Variants in TNR observed in about 807,000 individuals in gnomAD.
The protein encoded by TNR is tenascin-R.
A neutral mutation model predicts 150.4 loss-of-function variants in TNR; 45 were observed. That is an observed-to-expected ratio of 0.30 (90% CI 0.24 to 0.38). The LOEUF (loss-of-function observed/expected upper bound fraction) is 0.38, where lower values mean the gene tolerates loss of function less well. Ranked by LOEUF, TNR falls within the 10% of genes least tolerant of loss-of-function variation. The pLI, the probability that TNR is intolerant of heterozygous loss-of-function variation, is 1.00. For synonymous variants in TNR, 687 were observed against 678.4 expected (o/e 1.01, Z -0.20); for missense variants, 1,544 against 1,759.1 (o/e 0.88, Z 2.19).
intron 18 of TNR, among the ~76,000 whole-genome samples, chr1:175,349,889 A>T (rs534888863): frequency 6.6e-6 from 1 of 152,228 alleles, no homozygotes; most frequent in East Asian, 1.9e-4. Flanking sequence ...TGTTTGTCTT[A>T]TAATAAAGCA....
intron 1 of TNR, among the ~76,000 whole-genome samples, chr1:175,607,961 G>A (rs1663468613): frequency 6.6e-6 from 1 of 152,204 alleles, no homozygotes; most frequent in Non-Finnish European, 1.5e-5. Flanking sequence ...TCTGAGCTTA[G>A]TCAGTTCTGT....
At chr1:175,502,767 T>A (rs1314326226) in intron 2 of TNR, among the ~76,000 whole-genome samples, 5 of 152,024 alleles carry the variant, frequency 3.3e-5, no homozygotes, top group Admixed American at 6.5e-5. Context: ...GAAGCCCAGA[T>A]GAAAGTGAGG....
At chr1:175,605,884 C>G (rs572865344) in intron 1 of TNR, among the ~76,000 whole-genome samples, 2 of 152,340 alleles carry the variant, frequency 1.3e-5, no homozygotes, top group Admixed American at 6.5e-5. Flanking sequence ...GGCTTAACCC[C>G]TTGGTGGCTC....
At chr1:175,361,867 G>C (rs964452790) in intron 14 of TNR, among the ~76,000 whole-genome samples, 2 of 152,198 alleles carry the variant, frequency 1.3e-5, no homozygotes, top group Non-Finnish European at 2.9e-5. Flanking sequence ...TTGCTGAGGG[G>C]CCAGAGACGG....
At chr1:175,593,681 C>G (rs984003656) in intron 1 of TNR, among the ~76,000 whole-genome samples, 1 of 152,144 alleles carries the variant, frequency 6.6e-6, no homozygotes, top group Non-Finnish European at 1.5e-5. Context: ...TTCAGAAACC[C>G]TGTCACTAGC....
chr1:175,489,866 T>G (rs1181263959), intron 2 of TNR, among the ~76,000 whole-genome samples: 1 of 152,200 alleles, frequency 6.6e-6, no homozygotes, highest in Non-Finnish European at 1.5e-5. Context: ...TCAATCCATG[T>G]TATATAGGTT....
rs1658108185 is a variant in TNR at position 175,488,517 on chromosome 1, T to C, written c.-64+39752A>G. Reference sequence around the variant, plus strand: ...CCAGTTTCTCTGCTGGGCTGGGAAATTGATTTAGGGGGAGCTAAGCAGGAG... The same window carrying C: ...CCAGTTTCTCTGCTGGGCTGGGAAACTGATTTAGGGGGAGCTAAGCAGGAG... On this transcript the variant is annotated intron_variant, in intron 2 of 22. Transcript: ENST00000367674. Among the ~76,000 whole-genome samples, 2 of 152,070 alleles carry C rather than the reference T, an allele frequency of 1.3e-5. 1 individual carries two copies. The highest frequency in any genetic ancestry group is 1.3e-4 in the Admixed American group (2 of 15,274).
At chr1:175,519,717 C>A (rs1162591209) in intron 2 of TNR, among the ~76,000 whole-genome samples, 3 of 152,216 alleles carry the variant, frequency 2.0e-5, no homozygotes, top group Non-Finnish European at 2.9e-5. Context: ...TTCAGAACAG[C>A]CCTCAGCTCC....
intron 1 of TNR, among the ~76,000 whole-genome samples, chr1:175,716,560 G>A (rs573451099): frequency 3.9e-5 from 6 of 152,158 alleles, no homozygotes; most frequent in Non-Finnish European, 8.8e-5. Context: ...TCCTGTTGAT[G>A]TTGTACCTGT....
intron 2 of TNR, among the ~76,000 whole-genome samples, chr1:175,426,015 C>A (rs1654952659): frequency 1.3e-5 from 2 of 152,172 alleles, no homozygotes; most frequent in African/African-American, 4.8e-5. Flanking sequence ...TGCCTCCATG[C>A]TGTTGTTGGG....
At chr1:175,630,455 C>T (rs568177330) in intron 1 of TNR, among the ~76,000 whole-genome samples, 17 of 152,284 alleles carry the variant, frequency 1.1e-4, no homozygotes, top group East Asian at 3.9e-4. Context: ...ATTAAGCAGC[C>T]GCCATGTAGC....
chr1:175,340,324 A>G (rs897848811), intron 18 of TNR, among the ~76,000 whole-genome samples: 14 of 152,134 alleles, frequency 9.2e-5, no homozygotes, highest in African/African-American at 3.4e-4. Context: ...TTGGTTGTTT[A>G]TAGATTCCAT....
chr1:175,641,302 G>T (rs1664650200), intron 1 of TNR, among the ~76,000 whole-genome samples: 1 of 151,928 alleles, frequency 6.6e-6, no homozygotes, highest in South Asian at 2.1e-4. Flanking sequence ...TTGGAGAGAA[G>T]GAGGGGAAAA....
intron 1 of TNR, among the ~76,000 whole-genome samples, chr1:175,629,344 A>G (rs1408244473): frequency 6.6e-6 from 1 of 152,192 alleles, no homozygotes. Context: ...TCATAGCCTC[A>G]TACTAGGCTT....
intron 1 of TNR, among the ~76,000 whole-genome samples, chr1:175,613,144 C>A (rs1481696276): frequency 6.6e-6 from 1 of 152,198 alleles, no homozygotes; most frequent in Non-Finnish European, 1.5e-5. Flanking sequence ...AGGGTCTCCT[C>A]TGGGTATTCT....
chr1:175,356,251 C>A, intron 16 of TNR, 68 bp downstream of exon 16: 1 of 1,590,980 alleles, frequency 6.3e-7, no homozygotes, highest in South Asian at 1.1e-5. Context: ...TCTAGTCCAC[C>A]ACAAGAAAGC....
chr1:175,611,186 C>T (rs1017583620), intron 1 of TNR, among the ~76,000 whole-genome samples: 1 of 152,140 alleles, frequency 6.6e-6, no homozygotes, highest in African/African-American at 2.4e-5. Context: ...AGCCATAAAG[C>T]TTTTGATCAC....
At chr1:175,492,446 C>T (rs111233049) in intron 2 of TNR, among the ~76,000 whole-genome samples, 1 of 152,140 alleles carries the variant, frequency 6.6e-6, no homozygotes, top group Non-Finnish European at 1.5e-5. Context: ...GAGATGAAGC[C>T]GTCCACAAGC....
At chr1:175,674,389 C>G (rs73035409) in intron 1 of TNR, among the ~76,000 whole-genome samples, 1,872 of 152,304 alleles carry the variant, frequency 0.012, 35 homozygotes, top group African/African-American at 0.043. Context: ...GAAACCACAA[C>G]CCAACTCCAT....
Sources: allele counts gnomAD v4.1 joint callset (sites outside exome capture counted in the v4.1 genomes callset), GRCh38; gene constraint gnomAD v4.1.1; transcripts MANE v1.5; gene names NCBI Gene and HGNC (gene_info 2026-07-23, HGNC 2026-07-21).